The following DGKB variants were observed in gnomAD, a reference collection of about 807,000 sequenced individuals.
DGKB encodes 90 kDa diacylglycerol kinase.
Under a neutral mutation model 114.3 loss-of-function variants are expected in DGKB, and 67 were observed. The ratio of observed to expected loss-of-function variants is 0.59; its 90% CI spans 0.48 to 0.72. The LOEUF (loss-of-function observed/expected upper bound fraction) is 0.72, where lower values mean the gene tolerates loss of function less well. DGKB is among the 30% of genes least tolerant of loss of function. The pLI, the probability that DGKB is intolerant of heterozygous loss-of-function variation, is 0.00. For synonymous variants in DGKB, 398 were observed against 323.1 expected, an observed-to-expected ratio of 1.23 and a Z score of -2.49; for missense variants, 907 against 975.2, an observed-to-expected ratio of 0.93 and a Z score of 0.93.
At chr7:14,640,568 AG>A (rs1250326235) in intron 13 of DGKB, among the ~76,000 whole-genome samples, 3 of 152,184 alleles carry the variant, frequency 2.0e-5, no homozygotes, top group Non-Finnish European at 2.9e-5. Flanking sequence ...CTGGACAGCA[AG>A]GAGTGGTCAT....
chr7:14,230,974 A>C (rs923013206), intron 23 of DGKB, among the ~76,000 whole-genome samples: 2 of 152,034 alleles, frequency 1.3e-5, no homozygotes, highest in Non-Finnish European at 2.9e-5. Context: ...CTTGACTACT[A>C]TTATGCTGTG....
upstream of DGKB, among the ~76,000 whole-genome samples, chr7:14,905,665 A>G (rs115978917): frequency 7.9e-3 from 1,206 of 152,316 alleles, 11 homozygotes; most frequent in African/African-American, 0.028. Flanking sequence ...TTCCCAAACT[A>G]AATTTTGTAA....
intron 2 of DGKB, among the ~76,000 whole-genome samples, chr7:14,779,888 C>A (rs1838805563): frequency 2.0e-5 from 3 of 152,076 alleles, no homozygotes; most frequent in Non-Finnish European, 4.4e-5. Context: ...ACCAACTCTG[C>A]AAAAAATGGT....
intron 17 of DGKB, 108 bp downstream of exon 17, chr7:14,607,326 T>C (rs185618734): frequency 3.1e-6 from 2 of 635,790 alleles, no homozygotes; most frequent in Middle Eastern, 3.2e-4. Context: ...TTTTATGTAC[T>C]AATATGCTGC....
At chr7:14,164,196 G>C (rs1368882279) in intron 25 of DGKB, among the ~76,000 whole-genome samples, 1 of 152,000 alleles carries the variant, frequency 6.6e-6, no homozygotes, top group African/African-American at 2.4e-5. Context: ...GTTTACATAT[G>C]GGTTAGTCTT....
intron 1 of DGKB, among the ~76,000 whole-genome samples, chr7:14,952,800 T>C (rs1786278741): frequency 6.6e-6 from 1 of 151,886 alleles, no homozygotes; most frequent in African/African-American, 2.4e-5. Context: ...TGAGGACCTA[T>C]AATTCCTGAT....
intron 20 of DGKB, among the ~76,000 whole-genome samples, chr7:14,487,654 CTGCAGTGCAGT>C (rs149942685): frequency 0.13 from 19,151 of 146,628 alleles, 1,598 homozygotes; most frequent in Non-Finnish European, 0.19. Context: ...GTGACATTGG[CTGCAGTGCAGT>C]GCAATAGCTC....
At chr7:14,879,356 A>G (rs1379663497) in intron 1 of DGKB, among the ~76,000 whole-genome samples, 1 of 149,590 alleles carries the variant, frequency 6.7e-6, no homozygotes, top group African/African-American at 2.6e-5. Flanking sequence ...GGTCAGGATC[A>G]GTTGTATCAT....
chr7:14,656,906 A>T (rs1194151349), intron 13 of DGKB, among the ~76,000 whole-genome samples: 1 of 151,644 alleles, frequency 6.6e-6, no homozygotes, highest in Non-Finnish European at 1.5e-5. Context: ...TTTAGACTAG[A>T]CCCTGTTTAT....
intron 23 of DGKB, among the ~76,000 whole-genome samples, chr7:14,251,651 TAAG>T (rs1392071199): frequency 3.9e-5 from 6 of 152,158 alleles, no homozygotes; most frequent in Non-Finnish European, 5.9e-5. Context: ...TGTTTCAACT[TAAG>T]AACTCTAGCT....
At chr7:14,853,724 C>T (rs1342810762) in intron 1 of DGKB, among the ~76,000 whole-genome samples, 1 of 151,198 alleles carries the variant, frequency 6.6e-6, no homozygotes, top group Admixed American at 6.6e-5. Flanking sequence ...AAAAATTAGC[C>T]GGGAGTGGTG....
intron 25 of DGKB, among the ~76,000 whole-genome samples, chr7:14,167,492 GT>G (rs1784778943): frequency 6.6e-6 from 1 of 151,774 alleles, no homozygotes; most frequent in African/African-American, 2.4e-5. Context: ...AGCCCTGGGA[GT>G]AAAAAAAAAA....
At chr7:14,836,351 T>A (rs906766492) in intron 2 of DGKB, among the ~76,000 whole-genome samples, 10 of 152,306 alleles carry the variant, frequency 6.6e-5, no homozygotes, top group Admixed American at 5.9e-4. Flanking sequence ...GTTCCCACCA[T>A]AATAACATAG....
rs530698000 is a variant in DGKB at position 14,513,849 on chromosome 7, G to A, written c.1771-35624C>T. 4.6e-5 allele frequency among the ~76,000 whole-genome samples: 7 copies of A among 151,920 alleles called. No individual in the cohort carries two copies. In the East Asian group the frequency reaches 7.7e-4, roughly 17 times the overall value. ...TGGATTGTTTTCTAAATATAAAAAT[G>A]TTTTATCTAGTTGTAATGTTCTACT... is the stretch of plus-strand genomic sequence containing the variant. On this transcript the variant is annotated intron_variant, in intron 20 of 25. Transcript: ENST00000402815.
chr7:14,428,323 T>C (rs1320075408), intron 21 of DGKB, among the ~76,000 whole-genome samples: 2 of 152,168 alleles, frequency 1.3e-5, no homozygotes, highest in Non-Finnish European at 2.9e-5. Context: ...CTTCTGTAAC[T>C]GCTTTATATT....
At chr7:14,758,928 G>GATAGATAGATAGATAGATAGATAAC (rs376591211) in intron 2 of DGKB, among the ~76,000 whole-genome samples, 2 of 146,958 alleles carry the variant, frequency 1.4e-5, no homozygotes, top group African/African-American at 5.0e-5. Context: ...TAGATAGATA[G>GATAGATAGATAGATAGATAGATAAC]ATAGATACAT....
intron 6 of DGKB, among the ~76,000 whole-genome samples, chr7:14,705,090 A>G (rs1354848095): frequency 1.3e-5 from 2 of 149,614 alleles, no homozygotes; most frequent in Non-Finnish European, 3.0e-5. Flanking sequence ...AGAAGAATGT[A>G]TAACTAGAAT....
At chr7:14,358,431 A>G (rs1222050413) in intron 21 of DGKB, among the ~76,000 whole-genome samples, 2 of 152,108 alleles carry the variant, frequency 1.3e-5, no homozygotes, top group Non-Finnish European at 2.9e-5. Context: ...CATGGTTTTC[A>G]GCTCCATCAG....
chr7:14,438,243 G>A lies in DGKB; in HGVS notation c.1835+39918C>T, dbSNP rs551000488. ...AAATGGGGCTCAAGCTCTCTGCCTCGTTATCAGGTTCTATATTGTTACTGC... is the reference window on the plus strand; with the variant it reads ...AAATGGGGCTCAAGCTCTCTGCCTCATTATCAGGTTCTATATTGTTACTGC... On this transcript the variant is annotated intron_variant, in intron 21 of 25. Coordinates refer to ENST00000402815, the MANE Select transcript of DGKB (RefSeq NM_001350709.2). Among the ~76,000 whole-genome samples the A allele has an allele frequency of 4.2e-4, 64 of 152,142 alleles. 1 individual carries two copies. The highest frequency in any genetic ancestry group is 2.1e-3 in the South Asian group (10 of 4,818).
Sources: gnomAD v4.1 joint callset for allele counts (sites outside exome capture counted in the v4.1 genomes callset) on GRCh38, gnomAD v4.1.1 for gene constraint, MANE v1.5 for transcripts, NCBI Gene and HGNC (gene_info 2026-07-23, HGNC 2026-07-21) for gene names.